The following PACRG variants were observed in gnomAD, a reference collection of about 807,000 sequenced individuals.
The protein encoded by PACRG is parkin coregulated.
PACRG carries 29 observed loss-of-function variants against 29.7 expected under a neutral mutation model. That is an observed-to-expected ratio of 0.98 (90% CI 0.73 to 1.33). The LOEUF (loss-of-function observed/expected upper bound fraction) is 1.33, where lower values mean the gene tolerates loss of function less well. Among genes scored for constraint, PACRG ranks in the 40% most tolerant of loss-of-function variants. The pLI, the probability that PACRG is intolerant of heterozygous loss-of-function variation, is 0.00. For synonymous variants in PACRG, 116 were observed against 118.7 expected, an observed-to-expected ratio of 0.98 and a Z score of 0.15; for missense variants, 279 against 316.2, an observed-to-expected ratio of 0.88 and a Z score of 0.89.
intron 4 of PACRG, among the ~76,000 whole-genome samples, chr6:163,314,546 A>G (rs149169485): frequency 0.018 from 2,813 of 152,316 alleles, 36 homozygotes; most frequent in Middle Eastern, 0.037. Context: ...TAATAGATCA[A>G]GAAAGAGAGT....
At chr6:163,294,089 A>G (rs1023887730) in intron 4 of PACRG, among the ~76,000 whole-genome samples, 2 of 152,188 alleles carry the variant, frequency 1.3e-5, no homozygotes, top group African/African-American at 2.4e-5. Context: ...AACAGAAGAT[A>G]TTTTAATGAA....
chr6:163,275,952 G>A lies in PACRG; in HGVS notation c.614-38875G>A, dbSNP rs182872664. Among the ~76,000 whole-genome samples the A allele has an allele frequency of 2.6e-5, 4 of 152,134 alleles. No homozygotes were observed. In the East Asian group the frequency reaches 7.7e-4, roughly 29 times the overall value. ...TGAGCAGCTGAGGACTCCAGGTGAT[G>A]TGCGAAGAGTATTGCTTTTTTTTTT... On this transcript the variant is annotated intron_variant, in intron 4 of 4. Coordinates refer to ENST00000366888, the MANE Select transcript of PACRG (RefSeq NM_001080379.2).
chr6:163,264,177 C>G (rs890100217), intron 4 of PACRG, among the ~76,000 whole-genome samples: 1 of 152,168 alleles, frequency 6.6e-6, no homozygotes, highest in East Asian at 1.9e-4. Flanking sequence ...TAACTTCTCA[C>G]GTCGAATCAT....
intron 4 of PACRG, among the ~76,000 whole-genome samples, chr6:163,137,779 G>T (rs1432340281): frequency 6.6e-6 from 1 of 152,240 alleles, no homozygotes; most frequent in Non-Finnish European, 1.5e-5. Context: ...AAACTGCTCC[G>T]GGATACTCCG....
intron 1 of PACRG, among the ~76,000 whole-genome samples, chr6:162,795,638 T>C (rs1514341): frequency 0.22 from 33,041 of 152,132 alleles, 4,735 homozygotes; most frequent in African/African-American, 0.38. Context: ...AACCTAGTTG[T>C]ATTTTTATTG....
intron 4 of PACRG, among the ~76,000 whole-genome samples, chr6:163,178,508 T>A (rs953359673): frequency 6.6e-6 from 1 of 152,184 alleles, no homozygotes; most frequent in African/African-American, 2.4e-5. Context: ...AACTTTAGTA[T>A]TAAAGTAGGA....
chr6:163,179,796 T>TA (rs1313587838), intron 4 of PACRG, among the ~76,000 whole-genome samples: 3 of 152,200 alleles, frequency 2.0e-5, no homozygotes, highest in African/African-American at 7.2e-5. Flanking sequence ...TTATAAGTGT[T>TA]ATGGTGGGAT....
intron 4 of PACRG, among the ~76,000 whole-genome samples, chr6:163,226,042 A>G (rs1351415655): frequency 6.6e-6 from 1 of 152,116 alleles, no homozygotes; most frequent in African/African-American, 2.4e-5. Flanking sequence ...AAAGAAGGAA[A>G]TCCTCTCATT....
At chr6:163,246,947 C>T (rs1048134240) in intron 4 of PACRG, among the ~76,000 whole-genome samples, 2 of 152,198 alleles carry the variant, frequency 1.3e-5, no homozygotes, top group Non-Finnish European at 2.9e-5. Flanking sequence ...GTGAAGGTCA[C>T]ACAGTACAGG....
intron 4 of PACRG, among the ~76,000 whole-genome samples, chr6:163,258,349 T>G (rs1251490918): frequency 6.6e-6 from 1 of 152,184 alleles, no homozygotes; most frequent in East Asian, 1.9e-4. Context: ...GAATATACCT[T>G]CCAGCAGACT....
At chr6:163,052,191 C>T (rs931952560) in intron 2 of PACRG, among the ~76,000 whole-genome samples, 3 of 152,056 alleles carry the variant, frequency 2.0e-5, no homozygotes, top group African/African-American at 7.2e-5. Context: ...CTTGTAATAA[C>T]TCAATAGCTG....
intron 4 of PACRG, among the ~76,000 whole-genome samples, chr6:163,307,781 G>T (rs527834736): frequency 1.7e-4 from 26 of 152,146 alleles, no homozygotes; most frequent in Non-Finnish European, 3.1e-4. Flanking sequence ...GATTCTAAAA[G>T]CAGATAACTT....
chr6:162,969,692 G>A (rs980446167), intron 2 of PACRG, among the ~76,000 whole-genome samples: 5 of 151,964 alleles, frequency 3.3e-5, no homozygotes, highest in African/African-American at 9.7e-5. Context: ...GGAGGGCCTC[G>A]GCATGGTGTG....
chr6:162,974,610 A>G (rs1234583096), intron 2 of PACRG, among the ~76,000 whole-genome samples: 1 of 152,236 alleles, frequency 6.6e-6, no homozygotes, highest in Non-Finnish European at 1.5e-5. Flanking sequence ...GATTTGTTAC[A>G]TAGAATTTTC....
At chr6:162,911,324 G>A (rs1264386753) in intron 2 of PACRG, among the ~76,000 whole-genome samples, 1 of 152,180 alleles carries the variant, frequency 6.6e-6, no homozygotes, top group Non-Finnish European at 1.5e-5. Context: ...GAAAGTACAA[G>A]TGTGTGAGAT....
chr6:163,054,516 G>A (rs146676074), intron 2 of PACRG, among the ~76,000 whole-genome samples: 3 of 152,162 alleles, frequency 2.0e-5, no homozygotes, highest in South Asian at 2.1e-4. Flanking sequence ...CAGTGCGTTC[G>A]AAGAGTCCCT....
chr6:162,954,566 T>C (rs1486386768), intron 2 of PACRG, among the ~76,000 whole-genome samples: 1 of 152,200 alleles, frequency 6.6e-6, no homozygotes, highest in African/African-American at 2.4e-5. Context: ...GTATTTCTGG[T>C]GTCCAGAGCT....
intron 4 of PACRG, chr6:163,101,134 A>G (rs556085): frequency 0.4 from 388,839 of 981,780 alleles, 77,956 homozygotes; most frequent in East Asian, 0.59. Context: ...TTTGCATACC[A>G]ATTACAACTC....
chr6:162,786,551 C>A (rs1365308311), intron 1 of PACRG, among the ~76,000 whole-genome samples: 1 of 152,124 alleles, frequency 6.6e-6, no homozygotes, highest in South Asian at 2.1e-4. Context: ...ATGGAGAGAA[C>A]GCCTAGGACC....
Sources: allele counts gnomAD v4.1 joint callset (sites outside exome capture counted in the v4.1 genomes callset), GRCh38; gene constraint gnomAD v4.1.1; transcripts MANE v1.5; gene names NCBI Gene and HGNC (gene_info 2026-07-23, HGNC 2026-07-21).